UPRT: variants seen among roughly 807,000 people sequenced by gnomAD.
The protein encoded by UPRT is uracil phosphoribosyltransferase homolog.
In UPRT, 5 loss-of-function variants were observed where a neutral mutation model predicts 22.6. The observed-to-expected ratio is 0.22, with a 90% CI of 0.12 to 0.47. The LOEUF is 0.47. Among genes scored for constraint, UPRT ranks in the 20% least tolerant of loss-of-function variants. The pLI, the probability that UPRT is intolerant of heterozygous loss-of-function variation, is 0.99. For missense variants in UPRT, 181 were observed against 239.9 expected (o/e 0.75, Z 1.62); for synonymous variants, 77 against 87.7 (o/e 0.88, Z 0.68).
At chrX:75,252,879 C>T (rs978560781) in intron 4 of UPRT, among the ~76,000 whole-genome samples, 4 of 112,181 alleles carry the variant, frequency 3.6e-5, no homozygotes, top group South Asian at 3.7e-4. Flanking sequence ...ATGATGAGTT[C>T]ATGTCCTTTT....
intron 3 of UPRT, among the ~76,000 whole-genome samples, chrX:75,167,741 G>A (rs1602434483): frequency 9.3e-6 from 1 of 107,763 alleles, no homozygotes; most frequent in African/African-American, 3.4e-5. Context: ...AGGGTTTTTT[G>A]GTTTTTGCTT....
At chrX:75,203,174 C>A (rs761822169) in intron 4 of UPRT, among the ~76,000 whole-genome samples, 1 of 111,005 alleles carries the variant, frequency 9.0e-6, no homozygotes, top group South Asian at 3.8e-4. Context: ...AGACTTTAAA[C>A]CAACAAAGAT....
chrX:75,291,291 C>A, intron 1 of UPRT: 1 of 223,849 alleles, frequency 4.5e-6, no homozygotes, highest in South Asian at 5.2e-5. Context: ...TAAAAATATT[C>A]CAGGGATGTG....
intron 4 of UPRT, among the ~76,000 whole-genome samples, chrX:75,243,942 T>C (rs748558796): frequency 3.6e-5 from 4 of 112,071 alleles, no homozygotes; most frequent in African/African-American, 1.3e-4. Context: ...AGTTAGTTGA[T>C]GCCACTTTTC....
intron 4 of UPRT, among the ~76,000 whole-genome samples, chrX:75,252,708 T>C (rs1200058970): frequency 8.9e-6 from 1 of 112,174 alleles, no homozygotes; most frequent in Admixed American, 9.4e-5. Flanking sequence ...ACCCAAAGGA[T>C]TATAAATCAT....
At chrX:75,193,041 G>A (rs1214239232) in intron 4 of UPRT, among the ~76,000 whole-genome samples, 4 of 112,035 alleles carry the variant, frequency 3.6e-5, no homozygotes, top group African/African-American at 9.7e-5. Context: ...AGACTTGTTT[G>A]TGTGGTTGCT....
At chrX:75,182,808 T>C (rs760743711) in intron 4 of UPRT, among the ~76,000 whole-genome samples, 17 of 110,774 alleles carry the variant, frequency 1.5e-4, no homozygotes, top group Non-Finnish European at 2.6e-4. Flanking sequence ...CCTGGATTCA[T>C]TGATATTTTG....
intron 4 of UPRT, among the ~76,000 whole-genome samples, chrX:75,263,043 A>G (rs1251967486): frequency 2.7e-5 from 3 of 111,924 alleles, no homozygotes; most frequent in Non-Finnish European, 5.6e-5. Context: ...GAAATTGACC[A>G]TATACTTGGA....
intron 4 of UPRT, among the ~76,000 whole-genome samples, chrX:75,186,301 G>T (rs866771571): frequency 9.0e-6 from 1 of 111,675 alleles, no homozygotes; most frequent in Non-Finnish European, 1.9e-5. Context: ...TTCAGGAGCA[G>T]GTTGTTCAGT....
intron 4 of UPRT, among the ~76,000 whole-genome samples, chrX:75,231,614 A>G (rs1005779744): frequency 1.8e-5 from 2 of 111,978 alleles, no homozygotes; most frequent in Non-Finnish European, 3.8e-5. Context: ...CAGGAAATTC[A>G]TTGCAAAAAG....
chrX:75,186,281 C>T (rs2082290896), intron 4 of UPRT, among the ~76,000 whole-genome samples: 1 of 111,304 alleles, frequency 9.0e-6, no homozygotes, highest in African/African-American at 3.3e-5. Flanking sequence ...CGTTATGTAC[C>T]CAGTAGTCAT....
chrX:75,268,452 C>G (rs2082597632), intron 4 of UPRT, among the ~76,000 whole-genome samples: 1 of 111,030 alleles, frequency 9.0e-6, no homozygotes, highest in Non-Finnish European at 1.9e-5. Context: ...AGAGACACAA[C>G]AAAAACAGAA....
chrX:75,163,529 G>T (rs2082205553), intron 3 of UPRT, among the ~76,000 whole-genome samples: 1 of 111,369 alleles, frequency 9.0e-6, no homozygotes, highest in Non-Finnish European at 1.9e-5. Context: ...TATACTAGAG[G>T]GTGGAAATGA....
intron 4 of UPRT, among the ~76,000 whole-genome samples, chrX:75,243,873 T>C (rs2082495728): frequency 8.9e-6 from 1 of 111,876 alleles, no homozygotes; most frequent in Non-Finnish European, 1.9e-5. Flanking sequence ...TTTGTTTCAA[T>C]GTTTTTCCTT....
chrX:75,215,677 G>C lies in UPRT; in HGVS notation c.-447+47798G>C, dbSNP rs973744476. On this transcript the variant is annotated intron_variant, in intron 4 of 13. Transcript: ENST00000652605. ...CTCATCCAAAATAAATATATAATTT[G>C]ACTAGCCCTATATCCATTACAGATA... Among the ~76,000 whole-genome samples the C allele has an allele frequency of 4.5e-5, 5 of 111,171 alleles. 1 individual carries two copies. In the Admixed American group the frequency reaches 4.8e-4, roughly 11 times the overall value.
intron 5 of UPRT, 112 bp from the exon 6 acceptor site, chrX:75,300,755 C>G: frequency 1.7e-6 from 1 of 578,830 alleles, no homozygotes; most frequent in Non-Finnish European, 2.7e-6. Flanking sequence ...CCACTGCACT[C>G]CAGCCTGAGT....
intron 4 of UPRT, among the ~76,000 whole-genome samples, chrX:75,180,688 TTTTTTTG>T (rs1569259998): frequency 3.7e-4 from 29 of 78,972 alleles, no homozygotes; most frequent in African/African-American, 1.3e-3. Context: ...TCTGTTTTTT[TTTTTTTG>T]TTTTTTTTTT....
chrX:75,187,999 G>A (rs919769968), intron 4 of UPRT, among the ~76,000 whole-genome samples: 15 of 111,691 alleles, frequency 1.3e-4, no homozygotes, highest in African/African-American at 2.0e-4. Context: ...TAATTTGATC[G>A]TCTGAAGCCT....
intron 4 of UPRT, 132 bp downstream of exon 4, chrX:75,297,685 A>G (rs2082730738): frequency 5.5e-6 from 4 of 731,571 alleles, no homozygotes; most frequent in Middle Eastern, 2.9e-4. Context: ...TGTGTTATCT[A>G]GCCTCATGGT....
Sources: allele counts gnomAD v4.1 joint callset (sites outside exome capture counted in the v4.1 genomes callset), GRCh38; gene constraint gnomAD v4.1.1; transcripts MANE v1.5; gene names NCBI Gene and HGNC (gene_info 2026-07-23, HGNC 2026-07-21).